Variants in TXLNB observed in about 807,000 individuals in gnomAD.
TXLNB encodes the protein beta-taxilin.
A neutral mutation model predicts 57.4 loss-of-function variants in TXLNB; 37 were observed. The observed-to-expected ratio is 0.64, with a 90% CI of 0.50 to 0.85. The LOEUF is 0.85. Ranked by LOEUF, TXLNB falls within the 40% of genes least tolerant of loss-of-function variation. TXLNB has a pLI of 0.00. For synonymous variants in TXLNB, 302 were observed against 309.6 expected (o/e 0.98, Z 0.26); for missense variants, 848 against 825.6 (o/e 1.03, Z -0.33).
At chr6:139,186,642 A>G in the TXLNB span, among the ~76,000 whole-genome samples, 1 of 152,224 alleles carries the variant, frequency 6.6e-6, no homozygotes, top group South Asian at 2.1e-4. Flanking sequence ...AAATGAAAGT[A>G]TATGTCTACC....
chr6:139,204,532 C>A, the TXLNB span, among the ~76,000 whole-genome samples: 1 of 152,162 alleles, frequency 6.6e-6, no homozygotes, highest in East Asian at 1.9e-4. Context: ...AAGAAGCTCC[C>A]AACTGAATTT....
At chr6:139,261,365 AG>A (rs1294049700) in intron 5 of TXLNB, among the ~76,000 whole-genome samples, 1 of 152,088 alleles carries the variant, frequency 6.6e-6, no homozygotes, top group Non-Finnish European at 1.5e-5. Context: ...GCTTACTATT[AG>A]GAGTTTCTTG....
intron 7 of TXLNB, among the ~76,000 whole-genome samples, chr6:139,249,983 C>T (rs79190689): frequency 0.015 from 2,266 of 151,976 alleles, 59 homozygotes; most frequent in African/African-American, 0.052. Context: ...CACACACACA[C>T]GCATGGTGCA....
chr6:139,221,687 T>C, the TXLNB span, among the ~76,000 whole-genome samples: 1 of 152,000 alleles, frequency 6.6e-6, no homozygotes, highest in Non-Finnish European at 1.5e-5. Context: ...CTGGAAACTA[T>C]AAAAAAATAA....
At chr6:139,273,298 A>G (rs1272858958) in intron 3 of TXLNB, among the ~76,000 whole-genome samples, 2 of 152,166 alleles carry the variant, frequency 1.3e-5, no homozygotes, top group African/African-American at 4.8e-5. Flanking sequence ...CCAGACAGAC[A>G]TGCCTATTGT....
the TXLNB span, among the ~76,000 whole-genome samples, chr6:139,176,232 A>T: frequency 6.6e-6 from 1 of 152,216 alleles, no homozygotes; most frequent in East Asian, 1.9e-4. This position sits in a 1 kb window ranked among gnomAD's most constrained non-coding sequence, Gnocchi z 4.5. Flanking sequence ...ATGGTGCTTT[A>T]TCACATGTGC....
chr6:139,249,553 T>C (rs1437939642), intron 7 of TXLNB, among the ~76,000 whole-genome samples: 1 of 152,196 alleles, frequency 6.6e-6, no homozygotes, highest in Non-Finnish European at 1.5e-5. Flanking sequence ...TGAGACTGTC[T>C]TTTTTAAAGT....
the TXLNB span, among the ~76,000 whole-genome samples, chr6:139,321,633 C>CTTTTTT: frequency 7.7e-4 from 65 of 84,326 alleles, no homozygotes; most frequent in African/African-American, 9.9e-4. Context: ...ACTACTCTCT[C>CTTTTTT]TTTTTTTTTT....
At chr6:139,299,631 T>C in the TXLNB span, among the ~76,000 whole-genome samples, 4 of 151,976 alleles carry the variant, frequency 2.6e-5, no homozygotes, top group Non-Finnish European at 2.9e-5. Context: ...ATCTCCCCAC[T>C]TGGGGAGATG....
the TXLNB span, among the ~76,000 whole-genome samples, chr6:139,322,105 C>T: frequency 1.3e-5 from 2 of 152,156 alleles, no homozygotes; most frequent in Non-Finnish European, 2.9e-5. Flanking sequence ...TCCTTCTGAG[C>T]TGCGACTACA....
intron 6 of TXLNB, among the ~76,000 whole-genome samples, chr6:139,258,809 G>A (rs1477869115): frequency 6.6e-6 from 1 of 152,148 alleles, no homozygotes; most frequent in Non-Finnish European, 1.5e-5. Context: ...GAGAGTGTGG[G>A]CTTTGGGAAC....
the TXLNB span, among the ~76,000 whole-genome samples, chr6:139,181,112 A>G: frequency 2.1e-5 from 2 of 97,364 alleles, no homozygotes; most frequent in Non-Finnish European, 4.1e-5. Context: ...GTATAGTGTT[A>G]AAGATTAGAT....
chr6:139,313,064 T>C, the TXLNB span, among the ~76,000 whole-genome samples: 14 of 152,198 alleles, frequency 9.2e-5, no homozygotes, highest in South Asian at 2.1e-4. Flanking sequence ...TAAACTTCTA[T>C]TTGTCTTTCT....
At chr6:139,202,125 T>C in the TXLNB span, among the ~76,000 whole-genome samples, 1 of 152,352 alleles carries the variant, frequency 6.6e-6, no homozygotes, top group African/African-American at 2.4e-5. Context: ...CAGAAACCTG[T>C]CCCAGACTGA....
chr6:139,184,052 G>C, the TXLNB span, among the ~76,000 whole-genome samples: 1 of 152,182 alleles, frequency 6.6e-6, no homozygotes, highest in Non-Finnish European at 1.5e-5. Flanking sequence ...CATTGTTGTG[G>C]AGTCAGCGCT....
At chr6:139,234,904 C>T in the TXLNB span, among the ~76,000 whole-genome samples, 9 of 152,242 alleles carry the variant, frequency 5.9e-5, no homozygotes, top group Non-Finnish European at 8.8e-5. Context: ...CTGGGAAGGG[C>T]ACTGCACCCT....
the TXLNB span, among the ~76,000 whole-genome samples, chr6:139,228,838 C>CCCCACTTT: frequency 6.6e-6 from 1 of 152,144 alleles, no homozygotes; most frequent in Non-Finnish European, 1.5e-5. Context: ...TCATGACAAG[C>CCCCACTTT]CAAATAGTCT....
the TXLNB span, among the ~76,000 whole-genome samples, chr6:139,193,900 G>A: frequency 7.0e-6 from 1 of 143,638 alleles, no homozygotes; most frequent in African/African-American, 2.6e-5. Context: ...GGAGTGCAGT[G>A]GCGCGATCTC....
At chr6:139,253,585 A>T (rs752659313) in intron 7 of TXLNB, among the ~76,000 whole-genome samples, 12 of 152,156 alleles carry the variant, frequency 7.9e-5, no homozygotes, top group Non-Finnish European at 1.6e-4. Flanking sequence ...CAGGACTCTG[A>T]CCTGGTGCCT....
Sources: gnomAD v4.1 joint callset for allele counts (sites outside exome capture counted in the v4.1 genomes callset) on GRCh38, gnomAD v4.1.1 for gene constraint, Gnocchi (gnomAD v3.1) non-coding constraint, MANE v1.5 for transcripts, NCBI Gene and HGNC (gene_info 2026-07-23, HGNC 2026-07-21) for gene names.